TUBGCP5: variants seen among roughly 807,000 people sequenced by gnomAD.
TUBGCP5 encodes the protein tubulin gamma complex component 5.
Under a neutral mutation model 134.7 loss-of-function variants are expected in TUBGCP5, and 98 were observed. The ratio of observed to expected loss-of-function variants is 0.73; its 90% confidence interval spans 0.62 to 0.86. The LOEUF (loss-of-function observed/expected upper bound fraction) is 0.86, where lower values mean the gene tolerates loss of function less well. TUBGCP5 is among the 40% of genes least tolerant of loss of function. TUBGCP5 has a pLI of 0.00. For missense variants in TUBGCP5, 1,150 were observed against 1,244.8 expected, an observed-to-expected ratio of 0.92 and a Z score of 1.15; for synonymous variants, 456 against 431.4, an observed-to-expected ratio of 1.06 and a Z score of -0.71.
At chr15:23,022,882 C>T (rs1275601411) in intron 10 of TUBGCP5, among the ~76,000 whole-genome samples, 1 of 152,128 alleles carries the variant, frequency 6.6e-6, no homozygotes, top group Non-Finnish European at 1.5e-5. Context: ...ACATGGGTTA[C>T]CATTTTACAG....
At chr15:23,016,984 A>ATT (rs1490914169) in intron 13 of TUBGCP5, among the ~76,000 whole-genome samples, 1 of 145,794 alleles carries the variant, frequency 6.9e-6, no homozygotes, top group Non-Finnish European at 1.5e-5. Context: ...ATATATATAT[A>ATT]TATGTATATA....
intron 15 of TUBGCP5, among the ~76,000 whole-genome samples, 181 bp from the exon 16 acceptor site, chr15:23,009,062 C>T (rs1845346418): frequency 6.6e-6 from 1 of 151,984 alleles, no homozygotes. Flanking sequence ...ATAGGTTTTC[C>T]TTTCATCATC....
At chr15:23,026,894 C>T (rs1308181595) in intron 7 of TUBGCP5, among the ~76,000 whole-genome samples, 2 of 152,102 alleles carry the variant, frequency 1.3e-5, no homozygotes, top group Non-Finnish European at 2.9e-5. Flanking sequence ...GATTACGCCA[C>T]TGCACTCCAG....
At position 23,024,769 on chromosome 15, in the gene TUBGCP5, T is replaced by C; in HGVS notation, c.889A>G (p.Arg297Gly). 2 of 1,590,974 alleles carry C rather than the reference T, an allele frequency of 1.3e-6. No homozygotes were observed. Among genetic ancestry groups the C allele is most frequent in the African/African-American group, 2.7e-5 (2 of 74,208 alleles). ...FQLIDGKVTV[R>G]NNIIVTHLTH... ...AAATGAGTTACTATAATATTGTTTC[T>C]CACAGTTACCTTCCCATCTATCAAC... The change falls in exon 9 of 23, where the codon AGA becomes GGA. Residue 297 changes from arginine (R) to glycine (G), a missense_variant. Arg to Gly is a moderately radical substitution (Grantham distance 125, BLOSUM62 -2). Coordinates refer to ENST00000615383, the MANE Select transcript of TUBGCP5 (RefSeq NM_052903.6).
intron 10 of TUBGCP5, chr15:23,023,138 G>A (rs1380423461): frequency 1.3e-5 from 2 of 152,106 alleles, no homozygotes; most frequent in South Asian, 2.1e-4. Context: ...GGGAGGCCAA[G>A]GTGGTCAACA....
rs1423920481 is a variant in TUBGCP5 at position 23,024,724 on chromosome 15, A to G, written c.921+13T>C. 20 of 1,305,062 alleles carry G rather than the reference A, an allele frequency of 1.5e-5. No individual in the cohort carries two copies. Among genetic ancestry groups the G allele is most frequent in the Non-Finnish European group, 2.1e-5 (20 of 934,842 alleles). 80.8% of individuals were successfully genotyped at this position (1,305,062 alleles called of 1,614,324 possible). On this transcript the variant is annotated intron_variant, in intron 9 of 22. Coordinates refer to ENST00000615383, the MANE Select transcript of TUBGCP5 (RefSeq NM_052903.6). Reference sequence around the variant, plus strand: ...TCCTATTTCTTAAATTACCATAAATACAAATAACTTACATGTGTTAAATGA... The same window carrying G: ...TCCTATTTCTTAAATTACCATAAATGCAAATAACTTACATGTGTTAAATGA...
intron 3 of TUBGCP5, among the ~76,000 whole-genome samples, chr15:23,035,154 C>T (rs899690445): frequency 2.0e-5 from 3 of 151,794 alleles, no homozygotes; most frequent in Non-Finnish European, 4.4e-5. Flanking sequence ...ATGGTGAAAC[C>T]CTGTCTCTAC....
At chr15:22,997,884 G>C (rs1374868300), downstream of TUBGCP5, among the ~76,000 whole-genome samples, 1 of 150,542 alleles carries the variant, frequency 6.6e-6, no homozygotes, top group Non-Finnish European at 1.5e-5. Context: ...CCAAAGTGCT[G>C]GGATTGCAGG....
At chr15:23,007,057 G>C (rs1008682279) in intron 16 of TUBGCP5, among the ~76,000 whole-genome samples, 5 of 152,154 alleles carry the variant, frequency 3.3e-5, no homozygotes, top group African/African-American at 1.2e-4. Flanking sequence ...AATCAGAGAT[G>C]TCACAGGGCA....
rs201611842 is a variant in TUBGCP5 at position 23,039,032 on chromosome 15, T to TA, written c.146+365dup. Among the ~76,000 whole-genome samples the TA allele has an allele frequency of 3.3e-3, 485 of 147,526 alleles. 3 individuals carry two copies. In the East Asian group the frequency reaches 0.041, roughly 12 times the overall value. ...CAGTGAGAATACAATCTCTTTAATT[T>TA]AAAAAAAAAAAAAATTATAAACATG... On this transcript the variant is annotated intron_variant, in intron 1 of 22. Transcript: ENST00000615383.
At chr15:23,033,340 C>T (rs1043651546) in intron 3 of TUBGCP5, among the ~76,000 whole-genome samples, 2 of 151,926 alleles carry the variant, frequency 1.3e-5, no homozygotes, top group African/African-American at 4.8e-5. Context: ...TGCAATAGTG[C>T]AATCTCAGCT....
intron 23 of TUBGCP5, among the ~76,000 whole-genome samples, chr15:22,984,654 T>C (rs975809113): frequency 6.6e-6 from 1 of 151,990 alleles, no homozygotes; most frequent in Non-Finnish European, 1.5e-5. Context: ...TTAAAAATGG[T>C]GCTAGAATAA....
In TUBGCP5 at chr15:23,031,012, A is replaced by G; in HGVS notation, c.495T>C (p.Ser165=). The change falls in exon 6 of 23, where the codon TCT becomes TCC. Residue 165 remains serine (S), a synonymous_variant. Transcript: ENST00000615383. The part of the protein sequence containing the change: ...IGPYMDTPNW[S]EESEEENDQQ... The stretch of plus-strand genomic sequence containing the variant: ...GATCATTTTCCTCTTCACTTTCTTC[A>G]GACCAATTCTGATTTAAAAAAGAGA... 1 of 1,609,650 alleles carries G rather than the reference A, an allele frequency of 6.2e-7. No individual in the cohort carries two copies. The highest frequency in any genetic ancestry group is 8.5e-7 in the Non-Finnish European group (1 of 1,178,986).
chr15:23,022,670 G>A (rs1465926351), intron 10 of TUBGCP5, among the ~76,000 whole-genome samples: 3 of 152,212 alleles, frequency 2.0e-5, no homozygotes, highest in Non-Finnish European at 4.4e-5. Context: ...CCTGTTCAAA[G>A]CAAGTTCCTG....
At chr15:22,996,087 G>A (rs753142298), downstream of TUBGCP5, among the ~76,000 whole-genome samples, 5 of 152,264 alleles carry the variant, frequency 3.3e-5, no homozygotes, top group African/African-American at 4.8e-5. Flanking sequence ...AAATCTCTGC[G>A]TGGACGCATT....
In TUBGCP5 at chr15:23,026,013, T is replaced by C; in HGVS notation, c.827+103A>G. On this transcript the variant is annotated intron_variant, in intron 8 of 22. Coordinates refer to ENST00000615383, the MANE Select transcript of TUBGCP5 (RefSeq NM_052903.6). ...AACTTCACACCTAATGGACCTTTTC[T>C]AGTTTGCATGTGAAAATGCTTGAAA... 3 of 844,098 alleles carry C rather than the reference T, an allele frequency of 3.6e-6. 1 individual carries two copies. Among genetic ancestry groups the C allele is most frequent in the Non-Finnish European group, 5.6e-6 (3 of 538,640 alleles). The allele number at this position is 844,098 out of a possible 1,614,324, so 52.3% of individuals were successfully genotyped here.
At chr15:23,011,035 T>C in intron 14 of TUBGCP5, 98 bp downstream of exon 14, 1 of 1,196,012 alleles carries the variant, frequency 8.4e-7, no homozygotes. Flanking sequence ...CCTACAAGAG[T>C]TTTTGTTTTT....
intron 23 of TUBGCP5, among the ~76,000 whole-genome samples, chr15:22,991,103 C>T (rs1595783186): frequency 6.7e-6 from 1 of 148,730 alleles, no homozygotes; most frequent in Non-Finnish European, 1.5e-5. Flanking sequence ...TAATAAATTA[C>T]TTTTTTTTTT....
chr15:22,990,067 T>G (rs762968245), intron 23 of TUBGCP5, among the ~76,000 whole-genome samples: 4 of 152,094 alleles, frequency 2.6e-5, no homozygotes, highest in Admixed American at 1.3e-4. Flanking sequence ...AGAGTTAACA[T>G]TCCCTGCACC....
Sources: allele counts gnomAD v4.1 joint callset (sites outside exome capture counted in the v4.1 genomes callset), GRCh38; gene constraint gnomAD v4.1.1; transcripts MANE v1.5; gene names NCBI Gene and HGNC (gene_info 2026-07-23, HGNC 2026-07-21).